Variants in ASAH2 observed in about 807,000 individuals in gnomAD.
The protein encoded by ASAH2 is N-acylsphingosine amidohydrolase 2.
In ASAH2, 58 loss-of-function variants were observed where a neutral mutation model predicts 82.9. The observed-to-expected ratio is 0.70, with a 90% CI of 0.57 to 0.87. The LOEUF (loss-of-function observed/expected upper bound fraction) is 0.87. ASAH2 is among the 40% of genes least tolerant of loss of function. The pLI is 0.00. For missense variants in ASAH2, 779 were observed against 834.0 expected, an observed-to-expected ratio of 0.93 and a Z score of 0.81; for synonymous variants, 276 against 289.7, an observed-to-expected ratio of 0.95 and a Z score of 0.48.
chr10:50,194,354 G>A (rs1844919257), intron 18 of ASAH2, among the ~76,000 whole-genome samples: 3 of 151,626 alleles, frequency 2.0e-5, no homozygotes, highest in Admixed American at 6.6e-5. Context: ...ACCAATGAAT[G>A]TAAATACCTT....
chr10:50,206,159 C>T, intron 12 of ASAH2, 62 bp from the exon 13 acceptor site: 1 of 1,138,272 alleles, frequency 8.8e-7, no homozygotes, highest in Non-Finnish European at 1.3e-6. Flanking sequence ...AAGTCATTAT[C>T]TTGACAAATA....
At position 50,185,514 on chromosome 10, in the gene ASAH2, C is replaced by T. The variant is rs1844723071; in HGVS notation, c.*1801G>A. The T allele has an allele frequency of 1.4e-5, 1 of 69,186 alleles. No individual in the cohort carries two copies. Among genetic ancestry groups the T allele is most frequent in the African/African-American group, 4.8e-5 (1 of 20,958 alleles). The allele number at this position is 69,186 out of a possible 1,614,324, so 4.3% of individuals were successfully genotyped here. ...GGTAGTGGAAACTGATTCATGAACC[C>T]TTCTGAGTAATAACAAATACTTTAA... On this transcript the variant is annotated 3_prime_UTR_variant, in exon 21 of 21. Coordinates refer to ENST00000682911, the MANE Select transcript of ASAH2 (RefSeq NM_019893.4).
At position 50,214,801 on chromosome 10, in the gene ASAH2, C is replaced by A; in HGVS notation, c.1082G>T (p.Arg361Leu). The A allele has an allele frequency of 6.2e-7, 1 of 1,613,728 alleles. No individual in the cohort carries two copies. Residue 361 changes from arginine to leucine, a missense_variant, in exon 9 of 21, where the codon CGT becomes CTT. This residue lies in a region of ASAH2 where 759 missense variants were observed against 755.2 expected (regional missense o/e 1.00). Transcript: ENST00000682911. ...GDVSPNILGP[R>L]CINTGESCDN... ...ACAGGACTCTCCTGTGTTGATGCAACGTGGTCCAAGAATGTTGGGGGACAC... is the reference window on the plus strand; with the variant it reads ...ACAGGACTCTCCTGTGTTGATGCAAAGTGGTCCAAGAATGTTGGGGGACAC...
chr10:50,231,322 C>A (rs1846017383), intron 7 of ASAH2, among the ~76,000 whole-genome samples: 2 of 152,078 alleles, frequency 1.3e-5, no homozygotes, highest in African/African-American at 4.8e-5. Flanking sequence ...CCTTATGGCT[C>A]TGTATTTTTC....
chr10:50,200,144 CAGTCCTCTGCCTAT>C (rs1359042734), intron 16 of ASAH2, among the ~76,000 whole-genome samples: 132 of 151,860 alleles, frequency 8.7e-4, no homozygotes, highest in African/African-American at 2.8e-3. Flanking sequence ...GCTTCTTAAT[CAGTCCTCTGCCTAT>C]ACACAAGCCC....
chr10:50,211,246 G>T, intron 10 of ASAH2, 112 bp from the exon 11 acceptor site: 1 of 843,624 alleles, frequency 1.2e-6, no homozygotes, highest in Non-Finnish European at 2.0e-6. Context: ...TCTCAGCAAA[G>T]CTTTTGTTTT....
chr10:50,197,711 C>T (rs1468235687), intron 17 of ASAH2, among the ~76,000 whole-genome samples: 5 of 151,814 alleles, frequency 3.3e-5, no homozygotes, highest in Admixed American at 3.3e-4. Context: ...TTTTAAGGTG[C>T]TTGACCAGAA....
intron 5 of ASAH2, 77 bp downstream of exon 5, chr10:50,235,811 T>C: frequency 6.6e-7 from 1 of 1,506,292 alleles, no homozygotes; most frequent in Admixed American, 1.7e-5. Flanking sequence ...TAGGGATTCT[T>C]TATATCACAT....
At chr10:50,243,119 G>T in intron 4 of ASAH2, 83 bp downstream of exon 4, 1 of 1,487,340 alleles carries the variant, frequency 6.7e-7, no homozygotes, top group Non-Finnish European at 9.3e-7. Flanking sequence ...GAGAAACCAA[G>T]AGGAATTATT....
At chr10:50,235,772 G>T in intron 5 of ASAH2, 116 bp downstream of exon 5, 1 of 1,121,464 alleles carries the variant, frequency 8.9e-7, no homozygotes, top group Non-Finnish European at 1.3e-6. Flanking sequence ...AATTGTACAT[G>T]CTAATACTAT....
intron 13 of ASAH2, 107 bp downstream of exon 13, chr10:50,205,875 A>G (rs1356151426): frequency 2.1e-6 from 2 of 962,966 alleles, no homozygotes; most frequent in African/African-American, 3.2e-5. Context: ...GGGAATATCT[A>G]AATAAGACTT....
chr10:50,237,368 C>T (rs1268065231), intron 4 of ASAH2, among the ~76,000 whole-genome samples: 2 of 152,280 alleles, frequency 1.3e-5, no homozygotes, highest in East Asian at 1.9e-4. Flanking sequence ...GTAATTTCTT[C>T]CACCTTGGTC....
chr10:50,221,533 A>T (rs1402206828), intron 7 of ASAH2, among the ~76,000 whole-genome samples: 1 of 152,098 alleles, frequency 6.6e-6, no homozygotes, highest in Non-Finnish European at 1.5e-5. Flanking sequence ...CATTATCTTC[A>T]TTCTGCAACT....
intron 4 of ASAH2, among the ~76,000 whole-genome samples, chr10:50,241,290 G>A (rs1846286114): frequency 1.3e-5 from 2 of 152,210 alleles, no homozygotes; most frequent in African/African-American, 4.8e-5. Context: ...AGCCACTATA[G>A]TTTGGGGTAA....
Position 50,235,904 on chromosome 10 carries a change from A to C in ASAH2, c.671T>G (p.Val224Gly). ...TTTGCCTACCTTCAAGATACCAGTGACCATGTGCTGAAAAGTTTGATTGCT... is the reference window on the plus strand; with the variant it reads ...TTTGCCTACCTTCAAGATACCAGTGCCCATGTGCTGAAAAGTTTGATTGCT... ...GFSNQTFQHM[V>G]TGILKSIDIA... The change falls in exon 5 of 21, where the codon GTC becomes GGC. Residue 224 changes from valine to glycine, a missense_variant. Transcript: ENST00000682911. 6.2e-7 allele frequency: 1 copy of C among 1,613,288 alleles called. No homozygotes were observed.
At position 50,202,911 on chromosome 10, in the gene ASAH2, T is replaced by C; in HGVS notation, c.1679A>G (p.His560Arg). 1 of 1,609,124 alleles carries C rather than the reference T, an allele frequency of 6.2e-7. No individual in the cohort carries two copies. Among genetic ancestry groups the C allele is most frequent in the Admixed American group, 1.7e-5 (1 of 59,866 alleles). Residue 560 changes from histidine to arginine, a missense_variant, in exon 16 of 21, where the codon CAT becomes CGT. Around this residue, in one of 3 missense-constraint regions of ASAH2, gnomAD observed 759 missense variants for 755.2 expected, o/e 1.00. Coordinates refer to ENST00000682911, the MANE Select transcript of ASAH2 (RefSeq NM_019893.4). ...AACAACAGTCATGTTCTGCATCCCA[T>C]GAGATGCAAATTCCTAGGAGAGAAA... ...REAVQAEFAS[H>R]GMQNMTVVIS...
chr10:50,245,479 A>G, intron 2 of ASAH2, 25 bp from the exon 3 acceptor site: 1 of 1,586,208 alleles, frequency 6.3e-7, no homozygotes, highest in Non-Finnish European at 8.6e-7. Context: ...GAGATTTGAG[A>G]AACAACATTT....
In ASAH2 at chr10:50,202,809, A is replaced by C. The variant is rs1053246587; in HGVS notation, c.1761+20T>G. ...TACTGGGGTATAATTCATTTAAATG[A>C]TGAAAACGTTTTGCTTTACCTGGTA... On this transcript the variant is annotated intron_variant, in intron 16 of 20. Coordinates refer to ENST00000682911, the MANE Select transcript of ASAH2 (RefSeq NM_019893.4). 1 of 1,510,154 alleles carries C rather than the reference A, an allele frequency of 6.6e-7. No individual in the cohort carries two copies. The highest frequency in any genetic ancestry group is 1.4e-5 in the African/African-American group (1 of 72,700). 93.5% of individuals were successfully genotyped at this position (1,510,154 alleles called of 1,614,324 possible). A position where few individuals can be genotyped will look rare whatever the true frequency, so the allele number is the denominator to read the frequency against.
intron 7 of ASAH2, among the ~76,000 whole-genome samples, chr10:50,227,669 G>A (rs1845924684): frequency 1.3e-5 from 2 of 151,592 alleles, no homozygotes; most frequent in African/African-American, 2.4e-5. Flanking sequence ...TTTTTTTCAG[G>A]TTAAGTAAGA....
Sources: gnomAD v4.1 joint callset for allele counts (sites outside exome capture counted in the v4.1 genomes callset) on GRCh38, gnomAD v4.1.1 for gene constraint, gnomAD v4.1.1 regional missense constraint, MANE v1.5 for transcripts, NCBI Gene and HGNC (gene_info 2026-07-23, HGNC 2026-07-21) for gene names.